Variants in ELP3 observed in about 807,000 individuals in gnomAD.
ELP3 encodes elongator complex protein 3.
A neutral mutation model predicts 74.9 loss-of-function variants in ELP3; 56 were observed. The ratio of observed to expected loss-of-function variants is 0.75; its 90% CI spans 0.60 to 0.93. ELP3 has a LOEUF of 0.93. Ranked by LOEUF, ELP3 falls within the 40% of genes least tolerant of loss-of-function variation. The pLI, the probability that ELP3 is intolerant of heterozygous loss-of-function variation, is 0.00. For synonymous variants in ELP3, 222 were observed against 239.8 expected, an observed-to-expected ratio of 0.93 and a Z score of 0.68; for missense variants, 573 against 686.5, an observed-to-expected ratio of 0.83 and a Z score of 1.85.
At chr8:28,103,687 A>T (rs556197468) in intron 3 of ELP3, among the ~76,000 whole-genome samples, 7 of 152,346 alleles carry the variant, frequency 4.6e-5, no homozygotes, top group African/African-American at 1.4e-4. Context: ...CTGATGTTCC[A>T]CATCCTTGCT....
chr8:28,097,992 A>G (rs911914301), intron 2 of ELP3, among the ~76,000 whole-genome samples: 2 of 152,170 alleles, frequency 1.3e-5, no homozygotes, highest in Admixed American at 1.3e-4. Flanking sequence ...TCTGTGCTGC[A>G]TCGCTGCACA....
chr8:28,175,831 T>G lies in ELP3; in HGVS notation c.1567+13753T>G, dbSNP rs867746565. Among the ~76,000 whole-genome samples, 126 of 148,464 alleles carry G rather than the reference T, an allele frequency of 8.5e-4. No individual in the cohort carries two copies. In the East Asian group the frequency reaches 0.014, roughly 17 times the overall value. ...GTGACTTTTTTTTTTTTTTTTTTTT[T>G]GGGGAGTCAGTCTTGCTCTGTTACC... is the stretch of plus-strand genomic sequence containing the variant. On this transcript the variant is annotated intron_variant, in intron 14 of 14. Coordinates refer to ENST00000256398, the MANE Select transcript of ELP3 (RefSeq NM_018091.6).
chr8:28,156,061 A>G (rs1301431142), intron 11 of ELP3, 29 bp downstream of exon 11: 2 of 1,580,246 alleles, frequency 1.3e-6, no homozygotes, highest in Non-Finnish European at 1.7e-6. Context: ...GTCAGGCCAC[A>G]ACTGTTGAGA....
Position 28,108,760 on chromosome 8 carries a change from A to C in ELP3, c.393+784A>C, listed in dbSNP as rs544928164. ...GCGTTAGCCACTGTACCCAGCCTGG[A>C]ATTTATATTTTAATAATGGAAGGTA... On this transcript the variant is annotated intron_variant, in intron 5 of 14. Transcript: ENST00000256398. 3.3e-5 allele frequency among the ~76,000 whole-genome samples: 5 copies of C among 152,216 alleles called. No individual in the cohort carries two copies. The East Asian group carries it at 9.7e-4, about 29-fold the overall frequency.
Position 28,107,932 on chromosome 8 carries a change from G to A in ELP3, c.349G>A (p.Asp117Asn), listed in dbSNP as rs1811761175. 3 of 1,613,950 alleles carry A rather than the reference G, an allele frequency of 1.9e-6. No individual in the cohort carries two copies. Among genetic ancestry groups the A allele is most frequent in the Non-Finnish European group, 1.7e-6 (2 of 1,179,960 alleles). ...TGGCAGATACTGCCCTGGTGGACCT[G>A]ATTCTGATTTTGAGTATTCCACCCA... Reference protein sequence around the residue: ...NICVYCPGGPDSDFEYSTQSY... With the variant: ...NICVYCPGGPNSDFEYSTQSY... The change falls in exon 5 of 15, where the codon GAT (aspartate) becomes AAT (asparagine). Residue 117 changes from aspartate (D) to asparagine (N), a missense_variant. By Grantham distance (23) the Asp-to-Asn change is conservative (BLOSUM62 1). Coordinates refer to ENST00000256398, the MANE Select transcript of ELP3 (RefSeq NM_018091.6).
At chr8:28,111,873 A>G (rs1811930784) in intron 6 of ELP3, among the ~76,000 whole-genome samples, 1 of 152,218 alleles carries the variant, frequency 6.6e-6, no homozygotes, top group African/African-American at 2.4e-5. Flanking sequence ...TTAAGGTCCT[A>G]GCAAGATATT....
At chr8:28,167,897 T>G (rs907535983) in intron 14 of ELP3, among the ~76,000 whole-genome samples, 2 of 152,240 alleles carry the variant, frequency 1.3e-5, no homozygotes, top group African/African-American at 4.8e-5. Context: ...GGATACAATA[T>G]AAAGTATTTC....
chr8:28,171,952 G>A (rs1250447902), intron 14 of ELP3, among the ~76,000 whole-genome samples: 1 of 152,124 alleles, frequency 6.6e-6, no homozygotes, highest in East Asian at 1.9e-4. Context: ...ACCCTTGTCA[G>A]AAATCAGTCG....
chr8:28,103,655 CCA>C (rs1811577262), intron 3 of ELP3, among the ~76,000 whole-genome samples: 1 of 152,220 alleles, frequency 6.6e-6, no homozygotes, highest in Non-Finnish European at 1.5e-5. Flanking sequence ...TTTTGCATTC[CCA>C]CCAGCAGTGA....
At position 28,113,008 on chromosome 8, in the gene ELP3, T is replaced by C; in HGVS notation, c.463-11T>C. On this transcript the variant is annotated splice_polypyrimidine_tract_variant and intron_variant, in intron 6 of 14. Coordinates refer to ENST00000256398, the MANE Select transcript of ELP3 (RefSeq NM_018091.6). ...TTATATCATTCTAATGCTGATGAAT[T>C]TGTCTTTCAGTTAAAACAACTTGGT... is the stretch of plus-strand genomic sequence containing the variant. 2 of 1,611,344 alleles carry C rather than the reference T, an allele frequency of 1.2e-6. No individual in the cohort carries two copies. The highest frequency in any genetic ancestry group is 2.7e-5 in the African/African-American group (2 of 74,892).
chr8:28,093,257 G>A, intron 1 of ELP3, 24 bp downstream of exon 1: 1 of 1,612,774 alleles, frequency 6.2e-7, no homozygotes. Flanking sequence ...AGGAGATGGG[G>A]GAAAGGGGTG....
chr8:28,175,863 G>A (rs1487989942), intron 14 of ELP3, among the ~76,000 whole-genome samples: 3 of 122,816 alleles, frequency 2.4e-5, no homozygotes, highest in Non-Finnish European at 1.6e-5. Context: ...TACCCAAGCT[G>A]GAGTACAGTG....
chr8:28,145,537 C>T (rs1813398196), intron 10 of ELP3, among the ~76,000 whole-genome samples: 1 of 152,218 alleles, frequency 6.6e-6, no homozygotes, highest in Non-Finnish European at 1.5e-5. Flanking sequence ...CATGGAGGTT[C>T]ACCTAGTGGC....
At chr8:28,109,247 G>A (rs1466248561) in intron 5 of ELP3, among the ~76,000 whole-genome samples, 1 of 152,142 alleles carries the variant, frequency 6.6e-6, no homozygotes, top group Non-Finnish European at 1.5e-5. Context: ...GAAGGCAGAA[G>A]GCCAGTGAGG....
chr8:28,151,807 G>A (rs538275334), intron 10 of ELP3, among the ~76,000 whole-genome samples: 1 of 152,176 alleles, frequency 6.6e-6, no homozygotes, highest in Non-Finnish European at 1.5e-5. Flanking sequence ...GCAGTGCTAG[G>A]TCATGTTTCA....
chr8:28,161,061 G>A (rs997927710), intron 13 of ELP3, among the ~76,000 whole-genome samples: 2 of 152,150 alleles, frequency 1.3e-5, no homozygotes, highest in Non-Finnish European at 2.9e-5. Context: ...TCAACTTATT[G>A]TGGAGTCAGG....
intron 7 of ELP3, among the ~76,000 whole-genome samples, chr8:28,119,324 C>G (rs1046343128): frequency 5.9e-5 from 9 of 151,998 alleles, no homozygotes; most frequent in African/African-American, 1.9e-4. Flanking sequence ...TAGTGAGCAT[C>G]CACATACCCA....
At chr8:28,119,157 C>T (rs1189901357) in intron 7 of ELP3, 1 of 152,170 alleles carries the variant, frequency 6.6e-6, no homozygotes, top group Non-Finnish European at 1.5e-5. Context: ...TTCTATTGAC[C>T]ATTTTACTTT....
chr8:28,179,142 C>T (rs142282627), intron 14 of ELP3, among the ~76,000 whole-genome samples: 1 of 152,346 alleles, frequency 6.6e-6, no homozygotes, highest in East Asian at 1.9e-4. Context: ...GGGCCAACTG[C>T]AACACTTGAG....
Sources: allele counts gnomAD v4.1 joint callset (sites outside exome capture counted in the v4.1 genomes callset), GRCh38; gene constraint gnomAD v4.1.1; transcripts MANE v1.5; gene names NCBI Gene and HGNC (gene_info 2026-07-23, HGNC 2026-07-21).